Variants in BEAN1 observed in about 807,000 individuals in gnomAD.
The protein encoded by BEAN1 is brain expressed associated with NEDD4 1, also known as protein BEAN1.
Under a neutral mutation model 17.7 loss-of-function variants are expected in BEAN1, and 17 were observed. That is an observed-to-expected ratio of 0.96 (90% CI 0.66 to 1.44). The LOEUF is 1.44. Ranked by LOEUF, BEAN1 falls within the 40% of genes most tolerant of loss-of-function variation. The probability of loss-of-function intolerance (pLI) is 0.00; values close to 1 mark genes in which losing one functional copy is unlikely to be tolerated. For synonymous variants in BEAN1, 142 were observed against 151.8 expected, an observed-to-expected ratio of 0.94 and a Z score of 0.47; for missense variants, 359 against 374.1, an observed-to-expected ratio of 0.96 and a Z score of 0.33.
At position 66,434,897 on chromosome 16, in the gene BEAN1, G is replaced by C. The variant is rs1446599404; in HGVS notation, c.-82-2698G>C. Among the ~76,000 whole-genome samples, 1 of 152,106 alleles carries C rather than the reference G, an allele frequency of 6.6e-6. No homozygotes were observed. The highest frequency in any genetic ancestry group is 1.5e-5 in the Non-Finnish European group (1 of 68,014). On this transcript the variant is annotated intron_variant, in intron 1 of 4. Coordinates refer to ENST00000536005, the MANE Select transcript of BEAN1 (RefSeq NM_001178020.3). The surrounding 1 kb of genome is among the most constrained non-coding windows in gnomAD (Gnocchi z 4.3). ...CCCCTCCGTTCCCAACCCTGAGCTAGTTTGCAGAGGCCACACTGACCCTCC... is the reference window on the plus strand; with the variant it reads ...CCCCTCCGTTCCCAACCCTGAGCTACTTTGCAGAGGCCACACTGACCCTCC...
chr16:66,449,027 A>T (rs941537632), intron 2 of BEAN1, among the ~76,000 whole-genome samples: 4 of 151,480 alleles, frequency 2.6e-5, no homozygotes, highest in Non-Finnish European at 5.9e-5. Context: ...AAGAAGATAA[A>T]CACATCCTTA....
intron 3 of BEAN1, 91 bp downstream of exon 3, chr16:66,469,956 G>A (rs1289579550): frequency 1.4e-6 from 2 of 1,447,474 alleles, no homozygotes; most frequent in African/African-American, 1.4e-5. Context: ...TCTGCCCTGG[G>A]TGGAGCAGGG....
At position 66,458,884 on chromosome 16, in the gene BEAN1, G is replaced by A. The variant is rs147087360; in HGVS notation, c.26-10718G>A. Among the ~76,000 whole-genome samples the A allele has an allele frequency of 7.5e-3, 1,149 of 152,338 alleles. 14 individuals carry two copies. Among genetic ancestry groups the A allele is most frequent in the African/African-American group, 0.026 (1,067 of 41,562 alleles). On this transcript the variant is annotated intron_variant, in intron 2 of 4. Transcript: ENST00000536005. ...TCCCAGCCCTGGACTAGAAGCTGGAGGAGCCAGAGCTGGCTTCTGCCTTGC... is the reference window on the plus strand; with the variant it reads ...TCCCAGCCCTGGACTAGAAGCTGGAAGAGCCAGAGCTGGCTTCTGCCTTGC...
chr16:66,432,794 C>T (rs1163822743), intron 1 of BEAN1, among the ~76,000 whole-genome samples: 1 of 152,204 alleles, frequency 6.6e-6, no homozygotes, highest in Non-Finnish European at 1.5e-5. Context: ...GTCTTTTGCC[C>T]TCTCTGCTAC....
chr16:66,429,626 T>C (rs1457772999), intron 1 of BEAN1, among the ~76,000 whole-genome samples: 3 of 152,134 alleles, frequency 2.0e-5, no homozygotes, highest in Non-Finnish European at 4.4e-5. Context: ...AGGGTACACC[T>C]GGTAAGACAG....
At chr16:66,493,709 A>C (rs1309752546), downstream of BEAN1, among the ~76,000 whole-genome samples, 1 of 152,058 alleles carries the variant, frequency 6.6e-6, no homozygotes, top group Non-Finnish European at 1.5e-5. Context: ...GCTCTGCCCG[A>C]CACCAGGTCC....
At chr16:66,483,434 A>C (rs904138817), downstream of BEAN1, 1 of 153,286 alleles carries the variant, frequency 6.5e-6, no homozygotes, top group African/African-American at 2.4e-5. Context: ...GTTTTACTCT[A>C]ACAGGAGTTG....
chr16:66,468,034 T>G (rs141385924), intron 2 of BEAN1, among the ~76,000 whole-genome samples: 176 of 152,244 alleles, frequency 1.2e-3, no homozygotes, highest in African/African-American at 3.9e-3. Context: ...GTGTCAAGCC[T>G]CTGATTGGTA....
At chr16:66,432,380 C>T (rs1358764905) in intron 1 of BEAN1, among the ~76,000 whole-genome samples, 3 of 152,222 alleles carry the variant, frequency 2.0e-5, no homozygotes, top group Non-Finnish European at 4.4e-5. Flanking sequence ...TGCCTGCTGC[C>T]TGAGGACCCC....
At chr16:66,429,825 G>A (rs548783481) in intron 1 of BEAN1, among the ~76,000 whole-genome samples, 7 of 150,524 alleles carry the variant, frequency 4.7e-5, no homozygotes, top group African/African-American at 9.7e-5. Context: ...CTCCTGCTTC[G>A]CTCAGGATTT....
chr16:66,474,466 G>A (rs933359078), intron 3 of BEAN1, among the ~76,000 whole-genome samples: 5 of 149,960 alleles, frequency 3.3e-5, no homozygotes, highest in Non-Finnish European at 5.9e-5. Context: ...TGCCCACAGA[G>A]CCTTTCTGTA....
In BEAN1 at chr16:66,437,716, C is replaced by G. The variant is rs913652055; in HGVS notation, c.25+15C>G. The G allele has an allele frequency of 1.4e-5, 22 of 1,533,110 alleles. No homozygotes were observed. In the African/African-American group the frequency reaches 1.8e-4, roughly 12 times the overall value. The allele number at this position is 1,533,110 out of a possible 1,614,324, so 95.0% of individuals were successfully genotyped here. ...TCCCTGCCCCTGTAAGTTTCCTCCC[C>G]ACATCCTTCCACCACTTGGGGCCAG... is the stretch of plus-strand genomic sequence containing the variant. On this transcript the variant is annotated intron_variant, in intron 2 of 4. Transcript: ENST00000536005.
rs1013180596 is a variant in BEAN1 at position 66,480,995 on chromosome 16, GCA to G, written c.*81_*82del. 133 of 1,253,344 alleles carry G rather than the reference GCA, an allele frequency of 1.1e-4. No individual in the cohort carries two copies. The highest frequency in any genetic ancestry group is 3.8e-4 in the African/African-American group (25 of 65,946). The allele number at this position is 1,253,344 out of a possible 1,614,324, so 77.6% of individuals were successfully genotyped here. A position where few individuals can be genotyped will look rare whatever the true frequency, so the allele number is the denominator to read the frequency against. On this transcript the variant is annotated 3_prime_UTR_variant, in exon 5 of 5. Transcript: ENST00000536005. ...ACATTCTTTAGGCACACAAAGGCGT[GCA>G]CACACACACAGAGATGCACACGTGA...
At chr16:66,456,977 T>C (rs1433628566) in intron 2 of BEAN1, among the ~76,000 whole-genome samples, 1 of 152,184 alleles carries the variant, frequency 6.6e-6, no homozygotes, top group East Asian at 1.9e-4. Context: ...TTTAACACAA[T>C]GGTTGAAAAG....
At chr16:66,472,331 T>C (rs1963515660) in intron 3 of BEAN1, among the ~76,000 whole-genome samples, 1 of 152,264 alleles carries the variant, frequency 6.6e-6, no homozygotes, top group Admixed American at 6.5e-5. Context: ...GGCTCAGGCC[T>C]GGAGGAAGCG....
intron 3 of BEAN1, among the ~76,000 whole-genome samples, chr16:66,476,687 T>A (rs1963762554): frequency 6.6e-6 from 1 of 152,174 alleles, no homozygotes; most frequent in African/African-American, 2.4e-5. Flanking sequence ...CTGTGTGTTG[T>A]CCTCCAGCAA....
At chr16:66,448,963 TCTTGCCA>T (rs1962564208) in intron 2 of BEAN1, among the ~76,000 whole-genome samples, 1 of 152,112 alleles carries the variant, frequency 6.6e-6, no homozygotes, top group African/African-American at 2.4e-5. Flanking sequence ...TGAGCTACAA[TCTTGCCA>T]CTGTACTCCA....
At chr16:66,445,015 T>C (rs1468059326) in intron 2 of BEAN1, among the ~76,000 whole-genome samples, 1 of 152,230 alleles carries the variant, frequency 6.6e-6, no homozygotes, top group African/African-American at 2.4e-5. Context: ...CAAATATTTA[T>C]TGAGCATTTG....
intron 1 of BEAN1, among the ~76,000 whole-genome samples, chr16:66,436,629 G>A (rs1346436186): frequency 1.3e-5 from 2 of 151,072 alleles, no homozygotes; most frequent in African/African-American, 4.9e-5. Flanking sequence ...AAGCTGGAGT[G>A]CAGTGGTGTG....
Sources: gnomAD v4.1 joint callset for allele counts (sites outside exome capture counted in the v4.1 genomes callset) on GRCh38, gnomAD v4.1.1 for gene constraint, Gnocchi (gnomAD v3.1) non-coding constraint, MANE v1.5 for transcripts, NCBI Gene and HGNC (gene_info 2026-07-23, HGNC 2026-07-21) for gene names.